Variants in EYS observed in about 807,000 individuals in gnomAD.
The protein encoded by EYS is EGF-like photoreceptor maintenance factor.
A neutral mutation model predicts 282.1 loss-of-function variants in EYS; 250 were observed. That is an observed-to-expected ratio of 0.89 (90% CI 0.80 to 0.98). EYS has a LOEUF of 0.98. Among genes scored for constraint, EYS ranks in the 50% least tolerant of loss-of-function variants. The probability of loss-of-function intolerance (pLI) is 0.00; values close to 1 mark genes in which losing one functional copy is unlikely to be tolerated. For synonymous variants in EYS, 1,355 were observed against 1,282.9 expected (o/e 1.06, Z -1.20); for missense variants, 4,016 against 3,709.0 (o/e 1.08, Z -2.15).
intron 12 of EYS, among the ~76,000 whole-genome samples, chr6:65,147,331 TA>T (rs960615542): frequency 6.6e-6 from 1 of 152,032 alleles, no homozygotes; most frequent in African/African-American, 2.4e-5. Flanking sequence ...ATAAATAAAA[TA>T]AATAATGGAA....
chr6:64,018,938 T>C (rs1321780530), intron 33 of EYS, among the ~76,000 whole-genome samples: 2 of 151,398 alleles, frequency 1.3e-5, no homozygotes, highest in African/African-American at 4.9e-5. Flanking sequence ...TCATGCCTGG[T>C]TAATTTTTAT....
At chr6:64,608,487 A>C (rs1281504831) in intron 24 of EYS, among the ~76,000 whole-genome samples, 1 of 152,202 alleles carries the variant, frequency 6.6e-6, no homozygotes. Flanking sequence ...AAATGGTACA[A>C]ATATTTTAGA....
chr6:63,802,316 A>T (rs900261803), intron 37 of EYS, among the ~76,000 whole-genome samples: 1 of 152,120 alleles, frequency 6.6e-6, no homozygotes, highest in African/African-American at 2.4e-5. Context: ...GGGGAAGAGG[A>T]GGGAGAGCAT....
At chr6:64,304,704 T>A (rs1769372051) in intron 30 of EYS, among the ~76,000 whole-genome samples, 1 of 151,860 alleles carries the variant, frequency 6.6e-6, no homozygotes, top group African/African-American at 2.4e-5. Flanking sequence ...AAGTTGAAAA[T>A]CAAAAACAGA....
At chr6:64,168,240 G>A (rs919144076) in intron 31 of EYS, among the ~76,000 whole-genome samples, 1 of 150,512 alleles carries the variant, frequency 6.6e-6, no homozygotes, top group African/African-American at 2.5e-5. Context: ...CAGCCTGGGC[G>A]ACAGAGCGAA....
At chr6:65,266,907 T>C (rs553646480) in intron 12 of EYS, among the ~76,000 whole-genome samples, 52 of 147,838 alleles carry the variant, frequency 3.5e-4, no homozygotes, top group Non-Finnish European at 4.6e-4. Flanking sequence ...TATATATATA[T>C]ACATCTTGAG....
At chr6:63,783,206 C>T (rs1394655412) in intron 39 of EYS, among the ~76,000 whole-genome samples, 2 of 152,178 alleles carry the variant, frequency 1.3e-5, no homozygotes, top group African/African-American at 4.8e-5. Flanking sequence ...TAATAACCTC[C>T]ATATCAATGA....
intron 12 of EYS, among the ~76,000 whole-genome samples, chr6:65,087,830 T>C (rs1300663643): frequency 6.6e-6 from 1 of 152,212 alleles, no homozygotes; most frequent in Non-Finnish European, 1.5e-5. Context: ...ATGGTTTGAC[T>C]CTGTGTCCCC....
At chr6:64,750,576 G>C (rs1217905978) in intron 22 of EYS, among the ~76,000 whole-genome samples, 2 of 152,108 alleles carry the variant, frequency 1.3e-5, no homozygotes, top group East Asian at 3.9e-4. Flanking sequence ...TCTGCATAAA[G>C]CTGGATGGAT....
At chr6:64,884,364 A>G (rs952077673) in intron 19 of EYS, among the ~76,000 whole-genome samples, 1 of 151,526 alleles carries the variant, frequency 6.6e-6, no homozygotes, top group Non-Finnish European at 1.5e-5. Context: ...TAAAACTGGA[A>G]TTAGAGAGGG....
At chr6:64,564,220 GCAAGGGTTTCCTTTTCT>G (rs2149813559) in intron 26 of EYS, among the ~76,000 whole-genome samples, 1 of 146,024 alleles carries the variant, frequency 6.8e-6, no homozygotes, top group African/African-American at 2.5e-5. Context: ...CCAACAGTGT[GCAAGGGTTTCCTTTTCT>G]CCATATCCTC....
intron 19 of EYS, among the ~76,000 whole-genome samples, chr6:64,867,702 A>G (rs1177977658): frequency 6.6e-6 from 1 of 151,716 alleles, no homozygotes; most frequent in Non-Finnish European, 1.5e-5. Context: ...AGCTGTTTTT[A>G]TCTCTGAATT....
intron 18 of EYS, among the ~76,000 whole-genome samples, 185 bp from the exon 19 acceptor site, chr6:64,887,027 G>T (rs1014768582): frequency 6.6e-6 from 1 of 151,616 alleles, no homozygotes; most frequent in South Asian, 2.1e-4. Context: ...CTGCTCAAAT[G>T]TTCTTTATGT....
chr6:63,892,117 A>C (rs1035707626), intron 35 of EYS, among the ~76,000 whole-genome samples: 10 of 152,228 alleles, frequency 6.6e-5, no homozygotes, highest in African/African-American at 2.4e-4. Flanking sequence ...ATGCTCATGC[A>C]CGGGAATAAT....
intron 26 of EYS, among the ~76,000 whole-genome samples, chr6:64,499,799 A>G (rs989868040): frequency 5.3e-5 from 8 of 152,158 alleles, no homozygotes; most frequent in Non-Finnish European, 1.0e-4. Flanking sequence ...TTAATAAGAT[A>G]AACAAATCCC....
intron 22 of EYS, among the ~76,000 whole-genome samples, chr6:64,640,704 A>T (rs1451148901): frequency 6.6e-6 from 1 of 152,156 alleles, no homozygotes; most frequent in Non-Finnish European, 1.5e-5. Flanking sequence ...ATGTACCCTA[A>T]AACTTAAAGT....
chr6:65,130,579 T>TGCCC (rs1775841003), intron 12 of EYS, among the ~76,000 whole-genome samples: 1 of 151,828 alleles, frequency 6.6e-6, no homozygotes, highest in Non-Finnish European at 1.5e-5. Context: ...ATATTGTCAC[T>TGCCC]TATAAGTGGG....
chr6:64,681,478 C>CA (rs1769892541), intron 22 of EYS, among the ~76,000 whole-genome samples: 1 of 152,120 alleles, frequency 6.6e-6, no homozygotes, highest in Non-Finnish European at 1.5e-5. Context: ...TGATGTAGCT[C>CA]AAAATGCTAC....
At chr6:63,950,827 T>C (rs1450037899) in intron 35 of EYS, among the ~76,000 whole-genome samples, 1 of 152,150 alleles carries the variant, frequency 6.6e-6, no homozygotes, top group Non-Finnish European at 1.5e-5. Flanking sequence ...CTTCAATCTC[T>C]CCCTTCTTTT....
Sources: gnomAD v4.1 joint callset for allele counts (sites outside exome capture counted in the v4.1 genomes callset) on GRCh38, gnomAD v4.1.1 for gene constraint, MANE v1.5 for transcripts, NCBI Gene and HGNC (gene_info 2026-07-23, HGNC 2026-07-21) for gene names.